The following MACROD2 variants were observed in gnomAD, a reference collection of about 807,000 sequenced individuals.
MACROD2 encodes the protein mono-ADP ribosylhydrolase 2, also known as ADP-ribose glycohydrolase MACROD2.
A neutral mutation model predicts 70.4 loss-of-function variants in MACROD2; 36 were observed. That is an observed-to-expected ratio of 0.51 (90% CI 0.39 to 0.68). The LOEUF (loss-of-function observed/expected upper bound fraction) is 0.68, where lower values mean the gene tolerates loss of function less well. Ranked by LOEUF, MACROD2 falls within the 30% of genes least tolerant of loss-of-function variation. MACROD2 has a pLI of 0.00. For missense variants in MACROD2, 496 were observed against 538.4 expected (o/e 0.92, Z 0.78); for synonymous variants, 172 against 178.8 (o/e 0.96, Z 0.30).
At chr20:15,083,656 T>A (rs2075722336) in intron 5 of MACROD2, among the ~76,000 whole-genome samples, 1 of 151,964 alleles carries the variant, frequency 6.6e-6, no homozygotes, top group Non-Finnish European at 1.5e-5. Flanking sequence ...AATGTAATGG[T>A]TGGTATTAGA....
intron 12 of MACROD2, among the ~76,000 whole-genome samples, chr20:15,945,501 T>C (rs893038064): frequency 1.3e-5 from 2 of 152,252 alleles, no homozygotes; most frequent in African/African-American, 2.4e-5. Context: ...TATCCTTATA[T>C]GCTGATGCTT....
intron 2 of MACROD2, among the ~76,000 whole-genome samples, chr20:14,021,173 T>A (rs2053074013): frequency 1.3e-5 from 2 of 152,198 alleles, no homozygotes; most frequent in South Asian, 4.1e-4. Flanking sequence ...GTATTTTTAG[T>A]AGAGACGCGG....
chr20:14,989,830 C>T (rs1331794468), intron 5 of MACROD2, among the ~76,000 whole-genome samples: 1 of 152,148 alleles, frequency 6.6e-6, no homozygotes, highest in Non-Finnish European at 1.5e-5. Flanking sequence ...TTATCTACCC[C>T]TAGCTTCTGC....
intron 3 of MACROD2, among the ~76,000 whole-genome samples, chr20:14,287,305 G>T (rs1568539044): frequency 1.3e-5 from 2 of 152,096 alleles, no homozygotes; most frequent in African/African-American, 4.8e-5. Flanking sequence ...AGAGCTATTT[G>T]CCCTATTAGG....
At position 14,348,618 on chromosome 20, in the gene MACROD2, A is replaced by G. The variant is rs568156958; in HGVS notation, c.272-144861A>G. On this transcript the variant is annotated intron_variant, in intron 3 of 17. Coordinates refer to ENST00000684519, the MANE Select transcript of MACROD2 (RefSeq NM_001351661.2). ...ACCAATTGTCCTGTTATCTCAAGGA[A>G]TGATTTTTGGTGGAATGTACCCTAA... is the stretch of plus-strand genomic sequence containing the variant. 6.6e-5 allele frequency among the ~76,000 whole-genome samples: 10 copies of G among 152,234 alleles called. No homozygotes were observed. The East Asian group carries it at 1.3e-3, about 21-fold the overall frequency.
chr20:15,093,531 G>T (rs191132792), intron 5 of MACROD2, among the ~76,000 whole-genome samples: 1 of 152,056 alleles, frequency 6.6e-6, no homozygotes, highest in African/African-American at 2.4e-5. Flanking sequence ...TTGTGAAAAG[G>T]CCTCAGTAAC....
chr20:14,821,942 G>A (rs144178967), intron 5 of MACROD2, among the ~76,000 whole-genome samples: 133 of 152,174 alleles, frequency 8.7e-4, no homozygotes, highest in African/African-American at 2.9e-3. Flanking sequence ...CCTTCTACAA[G>A]TATAGTTGTT....
At chr20:14,918,623 T>TG (rs1050971167) in intron 5 of MACROD2, among the ~76,000 whole-genome samples, 1 of 151,518 alleles carries the variant, frequency 6.6e-6, no homozygotes, top group Non-Finnish European at 1.5e-5. Flanking sequence ...TTTTGTTTTT[T>TG]TTTTTTTTTC....
chr20:14,423,755 ATT>A (rs1165796772), intron 3 of MACROD2, among the ~76,000 whole-genome samples: 1,126 of 63,136 alleles, frequency 0.018, 5 homozygotes, highest in South Asian at 0.025. Context: ...GACATCTTAA[ATT>A]TTTTTTTTTT....
At chr20:15,718,317 A>T (rs1234930111) in intron 8 of MACROD2, among the ~76,000 whole-genome samples, 1 of 152,162 alleles carries the variant, frequency 6.6e-6, no homozygotes. Context: ...GCAAACAGGC[A>T]AGTTATTCTT....
In MACROD2 at chr20:14,948,198, C is replaced by A. The variant is rs1179991137; in HGVS notation, c.418+263239C>A. Among the ~76,000 whole-genome samples, 6 of 152,142 alleles carry A rather than the reference C, an allele frequency of 3.9e-5. No homozygotes were observed. The East Asian group carries it at 1.2e-3, about 29-fold the overall frequency. ...TCTGGCTCCTTTTCAGGAGAGAATC[C>A]TCTTCCCTGGATTTTGTCAGAGGAG... On this transcript the variant is annotated intron_variant, in intron 5 of 17. Transcript: ENST00000684519.
chr20:14,292,269 T>C (rs2082393018), intron 3 of MACROD2, among the ~76,000 whole-genome samples: 1 of 151,874 alleles, frequency 6.6e-6, no homozygotes, highest in Non-Finnish European at 1.5e-5. Context: ...GGTTCTCACC[T>C]GGGGGTAATT....
At chr20:15,866,371 G>A (rs990461057) in intron 9 of MACROD2, among the ~76,000 whole-genome samples, 12 of 151,896 alleles carry the variant, frequency 7.9e-5, no homozygotes, top group Admixed American at 7.9e-4. Context: ...ACTCCAGCCT[G>A]GGTGACGAAG....
At chr20:15,411,894 G>A (rs1008749209) in intron 6 of MACROD2, among the ~76,000 whole-genome samples, 2 of 152,196 alleles carry the variant, frequency 1.3e-5, no homozygotes, top group East Asian at 1.9e-4. Flanking sequence ...TTAATCCTTG[G>A]TGCTGCTTGG....
chr20:14,315,486 G>A (rs2082605007), intron 3 of MACROD2, among the ~76,000 whole-genome samples: 1 of 152,166 alleles, frequency 6.6e-6, no homozygotes. Context: ...GAAAGATTTA[G>A]CAGTGAAACT....
intron 3 of MACROD2, among the ~76,000 whole-genome samples, chr20:14,297,863 G>A (rs925716010): frequency 1.3e-5 from 2 of 151,924 alleles, no homozygotes; most frequent in Admixed American, 6.6e-5. Context: ...GGAAGTCAAT[G>A]CCTGCCTTCA....
At chr20:15,122,808 G>A (rs956364344) in intron 5 of MACROD2, among the ~76,000 whole-genome samples, 2 of 152,118 alleles carry the variant, frequency 1.3e-5, no homozygotes, top group African/African-American at 2.4e-5. Flanking sequence ...TTTCCTGGTC[G>A]TGGTCTCTGA....
intron 3 of MACROD2, among the ~76,000 whole-genome samples, chr20:14,361,480 C>A (rs1052084324): frequency 2.0e-5 from 3 of 152,116 alleles, no homozygotes; most frequent in Non-Finnish European, 4.4e-5. Context: ...TAATAGATGA[C>A]CCATACATTT....
intron 12 of MACROD2, among the ~76,000 whole-genome samples, chr20:15,950,680 C>G (rs1473398571): frequency 6.6e-6 from 1 of 152,174 alleles, no homozygotes; most frequent in Non-Finnish European, 1.5e-5. Context: ...CGGTGGGGCT[C>G]TTGCTCAGAT....
Sources: allele counts gnomAD v4.1 joint callset (sites outside exome capture counted in the v4.1 genomes callset), GRCh38; gene constraint gnomAD v4.1.1; transcripts MANE v1.5; gene names NCBI Gene and HGNC (gene_info 2026-07-23, HGNC 2026-07-21).